DARS1: variants seen among roughly 807,000 people sequenced by gnomAD.
DARS1 encodes aspartate--tRNA ligase, cytoplasmic.
A neutral mutation model predicts 68.8 loss-of-function variants in DARS1; 51 were observed. The ratio of observed to expected loss-of-function variants is 0.74; its 90% CI spans 0.59 to 0.94. The LOEUF (loss-of-function observed/expected upper bound fraction) is 0.94, where lower values mean the gene tolerates loss of function less well. Among genes scored for constraint, DARS1 ranks in the 40% least tolerant of loss-of-function variants. DARS1 has a pLI of 0.00. For synonymous variants in DARS1, 203 were observed against 190.4 expected, an observed-to-expected ratio of 1.07 and a Z score of -0.55; for missense variants, 607 against 597.3, an observed-to-expected ratio of 1.02 and a Z score of -0.17.
intron 7 of DARS1, among the ~76,000 whole-genome samples, chr2:135,926,600 A>G (rs1681217022): frequency 6.6e-6 from 1 of 152,264 alleles, no homozygotes; most frequent in Non-Finnish European, 1.5e-5. Context: ...GAATTAAACA[A>G]AAAGGAATTA....
intron 5 of DARS1, among the ~76,000 whole-genome samples, chr2:135,940,620 C>T (rs1681574545): frequency 6.6e-6 from 1 of 152,180 alleles, no homozygotes; most frequent in African/African-American, 2.4e-5. Flanking sequence ...TGTCCTCTCT[C>T]ACCACTCCTA....
chr2:135,907,261 T>TTTTTTTTTTTTTTTTGGGG lies in DARS1; in HGVS notation c.*54_*55insCCCCAAAAAAAAAAAAAAA. ...GGCTTTCTTTTTTTTTTTTTTTTTT[T>TTTTTTTTTTTTTTTTGGGG]GAGGCAGGGTCTCGCTCTGTCATCC... On this transcript the variant is annotated 3_prime_UTR_variant, in exon 16 of 16. Coordinates refer to ENST00000264161, the MANE Select transcript of DARS1 (RefSeq NM_001349.4). The TTTTTTTTTTTTTTTTGGGG allele has an allele frequency of 1.1e-6, 1 of 889,238 alleles. No individual in the cohort carries two copies. Among genetic ancestry groups the TTTTTTTTTTTTTTTTGGGG allele is most frequent in the Non-Finnish European group, 1.7e-6 (1 of 601,876 alleles). 55.1% of individuals were successfully genotyped at this position (889,238 alleles called of 1,614,324 possible). A position where few individuals can be genotyped will look rare whatever the true frequency, so the allele number is the denominator to read the frequency against.
intron 3 of DARS1, among the ~76,000 whole-genome samples, chr2:135,971,279 G>A (rs1185761748): frequency 6.6e-6 from 1 of 152,168 alleles, no homozygotes; most frequent in Non-Finnish European, 1.5e-5. Context: ...ATGCAAGGAG[G>A]TTCAAAATAT....
intron 4 of DARS1, among the ~76,000 whole-genome samples, chr2:135,946,260 G>A (rs1362407937): frequency 6.6e-6 from 1 of 152,100 alleles, no homozygotes; most frequent in Non-Finnish European, 1.5e-5. Flanking sequence ...AATATCTACA[G>A]GAGAGGAAAG....
At chr2:135,966,386 T>C (rs1484138138) in intron 3 of DARS1, among the ~76,000 whole-genome samples, 1 of 152,242 alleles carries the variant, frequency 6.6e-6, no homozygotes, top group Non-Finnish European at 1.5e-5. Context: ...CTTGAAAAGC[T>C]GGTATATGAA....
intron 5 of DARS1, among the ~76,000 whole-genome samples, chr2:135,938,958 T>A (rs1323045306): frequency 6.6e-6 from 1 of 152,186 alleles, no homozygotes; most frequent in African/African-American, 2.4e-5. Flanking sequence ...CAAGAAGAGC[T>A]AACTATCCTA....
At chr2:135,918,282 C>T (rs183923826) in intron 10 of DARS1, among the ~76,000 whole-genome samples, 7 of 152,182 alleles carry the variant, frequency 4.6e-5, no homozygotes, top group Admixed American at 3.3e-4. Flanking sequence ...TCATGTCTAT[C>T]AATGGTAGTA....
intron 5 of DARS1, among the ~76,000 whole-genome samples, chr2:135,939,322 C>T (rs547724374): frequency 6.6e-6 from 1 of 152,082 alleles, no homozygotes; most frequent in African/African-American, 2.4e-5. Flanking sequence ...TCAGACCACA[C>T]TGCAATCAAA....
intron 10 of DARS1, among the ~76,000 whole-genome samples, chr2:135,918,360 T>C (rs1010886148): frequency 6.6e-6 from 1 of 152,194 alleles, no homozygotes; most frequent in African/African-American, 2.4e-5. Context: ...TATATTTGGA[T>C]ATATATACAA....
At chr2:135,954,768 C>T (rs967134707) in intron 4 of DARS1, among the ~76,000 whole-genome samples, 6 of 152,060 alleles carry the variant, frequency 3.9e-5, no homozygotes, top group Admixed American at 3.3e-4. Context: ...TTTTCCATGA[C>T]CTTTCATCTA....
chr2:135,911,585 G>A (rs1403597670), intron 13 of DARS1, 92 bp from the exon 14 acceptor site: 2 of 664,886 alleles, frequency 3.0e-6, no homozygotes, highest in Non-Finnish European at 5.4e-6. Flanking sequence ...TGAAGAGCAA[G>A]TTCATTTTTT....
intron 2 of DARS1, 124 bp from the exon 3 acceptor site, chr2:135,979,490 T>C (rs1254042790): frequency 1.6e-6 from 1 of 616,722 alleles, no homozygotes; most frequent in African/African-American, 1.9e-5. Flanking sequence ...TAATTCTCAA[T>C]CTTTGACAAC....
chr2:135,948,732 G>A (rs918030847), intron 4 of DARS1, among the ~76,000 whole-genome samples: 5 of 152,070 alleles, frequency 3.3e-5, no homozygotes, highest in South Asian at 2.1e-4. Context: ...TTAGCTGGGC[G>A]TGGTAGCGTG....
intron 3 of DARS1, among the ~76,000 whole-genome samples, chr2:135,968,628 C>T (rs1682290990): frequency 6.6e-6 from 1 of 151,410 alleles, no homozygotes; most frequent in South Asian, 2.1e-4. Flanking sequence ...AAAGGCCTCA[C>T]CTTTCAACAA....
chr2:135,912,485 C>T lies in DARS1; in HGVS notation c.1230+1G>A, dbSNP rs747031340. ...GGGTTACTTAAAACCAAATTACTTA[C>T]GGGATTTCTTGGGTCAGGCATGGTA... On this transcript the variant is annotated splice_donor_variant, in intron 13 of 15. Coordinates refer to ENST00000264161, the MANE Select transcript of DARS1 (RefSeq NM_001349.4). LOFTEE classifies it high-confidence loss of function. The T allele has an allele frequency of 1.3e-5, 13 of 1,003,136 alleles. No individual in the cohort carries two copies. The highest frequency in any genetic ancestry group is 2.5e-5 in the East Asian group (1 of 40,474). The allele number at this position is 1,003,136 out of a possible 1,614,324, so 62.1% of individuals were successfully genotyped here.
chr2:135,939,052 T>C (rs1681536600), intron 5 of DARS1, among the ~76,000 whole-genome samples: 1 of 152,084 alleles, frequency 6.6e-6, no homozygotes, highest in Non-Finnish European at 1.5e-5. Flanking sequence ...TTCCTCACAA[T>C]AATAATGGGA....
Position 135,961,470 on chromosome 2 carries a change from C to T in DARS1, c.246G>A (p.Gln82=), listed in dbSNP as rs1396815834. Residue 82 remains glutamine, a synonymous_variant, in exon 4 of 16, where the codon CAG becomes CAA. Coordinates refer to ENST00000264161, the MANE Select transcript of DARS1 (RefSeq NM_001349.4). The stretch of plus-strand genomic sequence containing the variant: ...CAAGAGCCTGGACATTAAACTGCTG[C>T]TGACGTAGGACTAAGAAGCACTGTT... The part of the protein sequence containing the change: ...KGKQCFLVLR[Q]QQFNVQALVA... 1 of 1,527,248 alleles carries T rather than the reference C, an allele frequency of 6.5e-7. No homozygotes were observed. The highest frequency in any genetic ancestry group is 1.7e-5 in the Admixed American group (1 of 59,884). The allele number at this position is 1,527,248 out of a possible 1,614,324, so 94.6% of individuals were successfully genotyped here.
intron 15 of DARS1, among the ~76,000 whole-genome samples, chr2:135,909,870 A>G (rs1311206499): frequency 6.6e-6 from 1 of 152,178 alleles, no homozygotes; most frequent in African/African-American, 2.4e-5. Context: ...TGCCAACATG[A>G]TACTCAAAAA....
rs549175324 is a variant in DARS1, at chr2:135,973,015, G to T, written c.217+6259C>A. The stretch of plus-strand genomic sequence containing the variant: ...AATCACTATGTAGAACAGTTTGGAG[G>T]TTCCTCAAAAAACTAAAAATAGAGT... On this transcript the variant is annotated intron_variant, in intron 3 of 15. Coordinates refer to ENST00000264161, the MANE Select transcript of DARS1 (RefSeq NM_001349.4). Among the ~76,000 whole-genome samples, 6 of 152,208 alleles carry T rather than the reference G, an allele frequency of 3.9e-5. No individual in the cohort carries two copies. In the South Asian group the frequency reaches 1.0e-3, roughly 26 times the overall value.
Sources: gnomAD v4.1 joint callset for allele counts (sites outside exome capture counted in the v4.1 genomes callset) on GRCh38, gnomAD v4.1.1 for gene constraint, MANE v1.5 for transcripts, NCBI Gene and HGNC (gene_info 2026-07-23, HGNC 2026-07-21) for gene names.